Variants in MIA2 observed in about 807,000 individuals in gnomAD.
MIA2 encodes MIA SH3 domain ER export factor 2.
Under a neutral mutation model 167.8 loss-of-function variants are expected in MIA2, and 127 were observed. The observed-to-expected ratio is 0.76, with a 90% CI of 0.66 to 0.88. The LOEUF (loss-of-function observed/expected upper bound fraction) is 0.88. Ranked by LOEUF, MIA2 falls within the 40% of genes least tolerant of loss-of-function variation. The pLI, the probability that MIA2 is intolerant of heterozygous loss-of-function variation, is 0.00. For synonymous variants in MIA2, 552 were observed against 541.9 expected (o/e 1.02, Z -0.26); for missense variants, 1,690 against 1,624.7 (o/e 1.04, Z -0.69).
At chr14:39,307,697 G>A (rs770173439) in intron 17 of MIA2, among the ~76,000 whole-genome samples, 2 of 151,944 alleles carry the variant, frequency 1.3e-5, no homozygotes, top group Non-Finnish European at 2.9e-5. Flanking sequence ...CACCGTGCCC[G>A]GCCAAAATTA....
intron 6 of MIA2, among the ~76,000 whole-genome samples, chr14:39,270,286 C>G (rs1367469381): frequency 6.6e-6 from 1 of 150,744 alleles, no homozygotes; most frequent in Admixed American, 6.6e-5. Context: ...ACTGCAGCCT[C>G]CACCTCCCAG....
intron 23 of MIA2, chr14:39,386,750 C>G (rs766296605): frequency 4.5e-6 from 6 of 1,337,590 alleles, no homozygotes; most frequent in African/African-American, 4.4e-5. Flanking sequence ...TTTCTTCATC[C>G]TCCTCTAACT....
chr14:39,279,467 C>T lies in MIA2; in HGVS notation c.2060C>T (p.Ala687Val), dbSNP rs754586323. 3 of 1,608,472 alleles carry T rather than the reference C, an allele frequency of 1.9e-6. No individual in the cohort carries two copies. The South Asian group carries it at 3.4e-5, about 18-fold the overall frequency. The change falls in exon 9 of 29, where the codon GCT becomes GTT. Residue 687 changes from alanine to valine, a missense_variant. Transcript: ENST00000640607. ...TTTTTAGGACGAGAGAAAAAGCTTG[C>T]TCTAATGCTTTCTGGACTAATTGAA... ...RLYVGREKKL[A>V]LMLSGLIEEK...
At position 39,261,970 on chromosome 14, in the gene MIA2, G is replaced by T. The variant is rs571092340; in HGVS notation, c.1887+8799G>T. Among the ~76,000 whole-genome samples, 314 of 152,132 alleles carry T rather than the reference G, an allele frequency of 2.1e-3. 1 individual carries two copies. Among genetic ancestry groups the T allele is most frequent in the Non-Finnish European group, 2.6e-3 (175 of 68,002 alleles). ...GTTCACTCTGATGGTAGTTTCTTTT[G>T]CTGTGCAGAAGCTCTTTAGTTTAAT... On this transcript the variant is annotated intron_variant, in intron 6 of 28. Coordinates refer to ENST00000640607, the MANE Select transcript of MIA2 (RefSeq NM_001329214.4).
At chr14:39,304,205 G>T in intron 16 of MIA2, 86 bp from the exon 17 acceptor site, 1 of 522,496 alleles carries the variant, frequency 1.9e-6, no homozygotes, top group East Asian at 3.5e-5. Flanking sequence ...AAGTGTTAGG[G>T]GGGTCATACT....
At chr14:39,312,301 C>G (rs971212660) in intron 18 of MIA2, among the ~76,000 whole-genome samples, 1 of 152,252 alleles carries the variant, frequency 6.6e-6, no homozygotes, top group African/African-American at 2.4e-5. Flanking sequence ...AAACACATCT[C>G]TCTTCCATAT....
intron 6 of MIA2, among the ~76,000 whole-genome samples, chr14:39,263,365 C>CCAA (rs1234750884): frequency 6.6e-6 from 1 of 150,754 alleles, no homozygotes; most frequent in Non-Finnish European, 1.5e-5. Context: ...AGGGATAAAG[C>CCAA]CAACTTGATC....
At chr14:39,338,465 A>C (rs545777476) in intron 25 of MIA2, among the ~76,000 whole-genome samples, 1 of 152,238 alleles carries the variant, frequency 6.6e-6, no homozygotes. Context: ...TGATATAACT[A>C]ACACTCAGAT....
At chr14:39,288,451 A>ATTTTTTTTTTT (rs1566746956) in intron 9 of MIA2, among the ~76,000 whole-genome samples, 2 of 8,794 alleles carry the variant, frequency 2.3e-4, no homozygotes, top group African/African-American at 4.1e-4. Context: ...ATATATATAT[A>ATTTTTTTTTTT]TATATATATA....
chr14:39,291,833 G>A (rs918241088), intron 10 of MIA2, among the ~76,000 whole-genome samples: 1 of 152,168 alleles, frequency 6.6e-6, no homozygotes, highest in Non-Finnish European at 1.5e-5. Flanking sequence ...GGTAAGTGAT[G>A]GGAGTGCCTT....
downstream of MIA2, among the ~76,000 whole-genome samples, chr14:39,351,961 A>T (rs954858576): frequency 6.6e-6 from 1 of 151,958 alleles, no homozygotes; most frequent in Admixed American, 6.6e-5. Flanking sequence ...GTCACTCAGA[A>T]GGGAATGTTC....
chr14:39,331,724 T>A (rs1276622708), intron 25 of MIA2, among the ~76,000 whole-genome samples: 1 of 152,210 alleles, frequency 6.6e-6, no homozygotes, highest in Non-Finnish European at 1.5e-5. Context: ...AAAGCTTAGT[T>A]TGGCTGGATA....
At chr14:39,315,603 T>C in intron 20 of MIA2, 80 bp from the exon 21 acceptor site, 1 of 1,083,900 alleles carries the variant, frequency 9.2e-7, no homozygotes, top group East Asian at 2.4e-5. Context: ...AGTTGTGCAC[T>C]ACATCATAGT....
intron 3 of MIA2, among the ~76,000 whole-genome samples, chr14:39,241,810 G>A (rs775171827): frequency 6.6e-6 from 1 of 152,094 alleles, no homozygotes; most frequent in Non-Finnish European, 1.5e-5. Context: ...TCTTACCCTG[G>A]CTTCGCATTC....
At position 39,297,186 on chromosome 14, in the gene MIA2, C is replaced by T. The variant is rs200772965; in HGVS notation, c.2496+2157C>T. On this transcript the variant is annotated intron_variant, in intron 13 of 28. Transcript: ENST00000640607. Reference sequence around the variant, plus strand: ...TCAGCTCACTATAACCTCTGCTGCCCGGGTTCAAGTGATTCTCCTGCCTCA... The same window carrying T: ...TCAGCTCACTATAACCTCTGCTGCCTGGGTTCAAGTGATTCTCCTGCCTCA... Among the ~76,000 whole-genome samples, 8 of 151,798 alleles carry T rather than the reference C, an allele frequency of 5.3e-5. No homozygotes were observed. In the East Asian group the frequency reaches 9.7e-4, roughly 18 times the overall value.
chr14:39,258,268 A>C (rs2054913138), intron 6 of MIA2, among the ~76,000 whole-genome samples: 1 of 152,022 alleles, frequency 6.6e-6, no homozygotes, highest in Non-Finnish European at 1.5e-5. Context: ...TATTTCTTGG[A>C]GGTGTTGTTT....
intron 24 of MIA2, among the ~76,000 whole-genome samples, chr14:39,325,501 G>A (rs1799759384): frequency 6.8e-6 from 1 of 147,912 alleles, no homozygotes; most frequent in Non-Finnish European, 1.5e-5. Context: ...CTGAGTAGCT[G>A]GGACTACAGG....
At chr14:39,267,588 A>G in intron 6 of MIA2, 1 of 1,585,722 alleles carries the variant, frequency 6.3e-7, no homozygotes, top group Non-Finnish European at 8.6e-7. Flanking sequence ...GGAAGGAAGC[A>G]GTAGACCGGC....
chr14:39,287,623 G>A (rs2060003125), intron 9 of MIA2, among the ~76,000 whole-genome samples: 1 of 151,746 alleles, frequency 6.6e-6, no homozygotes, highest in South Asian at 2.1e-4. Context: ...GAATGCAGTG[G>A]CGTGATCTCG....
Sources: gnomAD v4.1 joint callset for allele counts (sites outside exome capture counted in the v4.1 genomes callset) on GRCh38, gnomAD v4.1.1 for gene constraint, MANE v1.5 for transcripts, NCBI Gene and HGNC (gene_info 2026-07-23, HGNC 2026-07-21) for gene names.